The following COPG2 variants were observed in gnomAD, a reference collection of about 807,000 sequenced individuals.
COPG2 encodes the protein coatomer subunit gamma-2.
A neutral mutation model predicts 46.3 loss-of-function variants in COPG2; 37 were observed. The observed-to-expected ratio is 0.80, with a 90% CI of 0.61 to 1.05. COPG2 has a LOEUF of 1.05. Among genes scored for constraint, COPG2 ranks in the 50% least tolerant of loss-of-function variants. The pLI is 0.00. For missense variants in COPG2, 427 were observed against 387.8 expected (o/e 1.10, Z -0.85); for synonymous variants, 159 against 129.7 (o/e 1.23, Z -1.53).
chr7:130,617,727 G>C (rs1794973223), intron 5 of COPG2, among the ~76,000 whole-genome samples: 1 of 152,060 alleles, frequency 6.6e-6, no homozygotes. Context: ...ATCCAAAATG[G>C]TCTACAACTC....
chr7:130,585,631 C>T (rs1739796305), intron 9 of COPG2, among the ~76,000 whole-genome samples: 1 of 152,026 alleles, frequency 6.6e-6, no homozygotes, highest in South Asian at 2.1e-4. Context: ...AAGAAAAAAA[C>T]AATTCCATCA....
chr7:130,659,699 G>T (rs1400233297), intron 4 of COPG2, among the ~76,000 whole-genome samples: 3 of 152,116 alleles, frequency 2.0e-5, no homozygotes, highest in East Asian at 3.9e-4. Context: ...AGATAAAGAG[G>T]TCAGGAAATT....
At chr7:130,532,064 G>A (rs1443000462) in intron 20 of COPG2, among the ~76,000 whole-genome samples, 10 of 152,226 alleles carry the variant, frequency 6.6e-5, no homozygotes, top group African/African-American at 1.7e-4. Flanking sequence ...TGGTGGACAC[G>A]GGAGGATGGA....
chr7:130,516,343 G>C (rs929723640), intron 20 of COPG2, among the ~76,000 whole-genome samples: 2 of 152,118 alleles, frequency 1.3e-5, no homozygotes, highest in African/African-American at 2.4e-5. Flanking sequence ...GGAGACAGTG[G>C]GGATATGAGG....
chr7:130,614,112 A>G (rs1284374210), intron 6 of COPG2, among the ~76,000 whole-genome samples: 1 of 152,214 alleles, frequency 6.6e-6, no homozygotes, highest in Non-Finnish European at 1.5e-5. Context: ...TGTGTAGTGT[A>G]CTACTATAGT....
At chr7:130,645,357 T>C in intron 5 of COPG2, 1 of 562,164 alleles carries the variant, frequency 1.8e-6, no homozygotes. Flanking sequence ...CATTGTTAGA[T>C]CTCAGGTATA....
chr7:130,546,012 A>G (rs1793437185), intron 20 of COPG2, among the ~76,000 whole-genome samples: 2 of 152,342 alleles, frequency 1.3e-5, no homozygotes, highest in Admixed American at 6.5e-5. Flanking sequence ...AGCAAAATGA[A>G]CCTGGGGAAG....
At chr7:130,668,363 G>C (rs1440666334) in intron 1 of COPG2, among the ~76,000 whole-genome samples, 1 of 150,436 alleles carries the variant, frequency 6.6e-6, no homozygotes, top group South Asian at 2.1e-4. Flanking sequence ...GCGGCTCGGA[G>C]GGGCTGCGCC....
intron 20 of COPG2, among the ~76,000 whole-genome samples, chr7:130,514,713 G>C (rs1330455385): frequency 1.3e-5 from 2 of 152,208 alleles, no homozygotes; most frequent in African/African-American, 4.8e-5. Flanking sequence ...AAGAATGGCA[G>C]GACTGACTGG....
At chr7:130,533,516 G>GT (rs1799849243) in intron 20 of COPG2, among the ~76,000 whole-genome samples, 1 of 152,038 alleles carries the variant, frequency 6.6e-6, no homozygotes, top group Non-Finnish European at 1.5e-5. Flanking sequence ...TTGGGACAAT[G>GT]TATCAGTGAG....
At chr7:130,650,856 T>C (rs1307985289) in intron 5 of COPG2, among the ~76,000 whole-genome samples, 3 of 152,192 alleles carry the variant, frequency 2.0e-5, no homozygotes, top group African/African-American at 7.2e-5. Flanking sequence ...TTTGCAACAA[T>C]GGAGAATGTC....
At chr7:130,577,329 G>A (rs36141397) in intron 9 of COPG2, among the ~76,000 whole-genome samples, 64,445 of 152,192 alleles carry the variant, frequency 0.42, 16,575 homozygotes, top group East Asian at 0.6. Flanking sequence ...TGCGCAAGCC[G>A]AACCAGGGCG....
At chr7:130,643,130 A>G (rs959218646) in intron 5 of COPG2, among the ~76,000 whole-genome samples, 5 of 152,054 alleles carry the variant, frequency 3.3e-5, no homozygotes, top group Non-Finnish European at 7.4e-5. Flanking sequence ...CCCCGTCTCT[A>G]CTAAAAATAC....
chr7:130,591,014 G>T (rs1554448741), intron 9 of COPG2, among the ~76,000 whole-genome samples: 1 of 151,504 alleles, frequency 6.6e-6, no homozygotes, highest in Non-Finnish European at 1.5e-5. Context: ...GAGCGTCTCT[G>T]CCCGGCAGCC....
At chr7:130,647,816 C>T (rs558985196) in intron 5 of COPG2, among the ~76,000 whole-genome samples, 5 of 151,650 alleles carry the variant, frequency 3.3e-5, no homozygotes, top group African/African-American at 4.8e-5. Flanking sequence ...CCACAACCTC[C>T]GCCTCCCGGG....
rs1385280918 is a variant in COPG2 at position 130,533,955 on chromosome 7, G to C, written c.2149+13719C>G. Among the ~76,000 whole-genome samples the C allele has an allele frequency of 4.7e-5, 3 of 63,280 alleles. No homozygotes were observed. The East Asian group carries it at 1.7e-3, about 36-fold the overall frequency. 41.5% of individuals were successfully genotyped at this position (63,280 alleles called of 152,430 possible). ...AAGGGACAGGAGGGGCGTAAGAGGA[G>C]AAATAACCTCATGAATTTATTGGGG... On this transcript the variant is annotated intron_variant, in intron 20 of 23. Coordinates refer to ENST00000425248, the MANE Select transcript of COPG2 (RefSeq NM_012133.6).
rs369903425 is a variant in COPG2, at chr7:130,668,714, C to G, written c.-46G>C. On this transcript the variant is annotated 5_prime_UTR_variant, in exon 1 of 24. Transcript: ENST00000425248. ...CCAGACCCACCGCAACCGTCCCAGG[C>G]GCCGCAGCCGGCGAGCGGAAGAGGC... 21 of 1,508,718 alleles carry G rather than the reference C, an allele frequency of 1.4e-5. No homozygotes were observed. The African/African-American group carries it at 2.5e-4, about 18-fold the overall frequency. The allele number at this position is 1,508,718 out of a possible 1,614,324, so 93.5% of individuals were successfully genotyped here. A position where few individuals can be genotyped will look rare whatever the true frequency, so the allele number is the denominator to read the frequency against.
At chr7:130,648,096 G>C (rs1795654967) in intron 5 of COPG2, among the ~76,000 whole-genome samples, 1 of 151,840 alleles carries the variant, frequency 6.6e-6, no homozygotes, top group African/African-American at 2.4e-5. Context: ...TGTGCTTATT[G>C]GCCATTTGCA....
intron 5 of COPG2, among the ~76,000 whole-genome samples, chr7:130,640,703 G>C (rs538567263): frequency 2.0e-5 from 3 of 152,190 alleles, no homozygotes; most frequent in Non-Finnish European, 4.4e-5. Flanking sequence ...AGGAAAAAGA[G>C]AAGGGAAGTA....
Sources: gnomAD v4.1 joint callset for allele counts (sites outside exome capture counted in the v4.1 genomes callset) on GRCh38, gnomAD v4.1.1 for gene constraint, MANE v1.5 for transcripts, NCBI Gene and HGNC (gene_info 2026-07-23, HGNC 2026-07-21) for gene names.